VRK3: variants seen among roughly 807,000 people sequenced by gnomAD.
VRK3 encodes the protein VRK serine/threonine kinase 3, also known as serine/threonine-protein kinase VRK3.
Under a neutral mutation model 60.4 loss-of-function variants are expected in VRK3, and 50 were observed. The observed-to-expected ratio is 0.83, with a 90% CI of 0.66 to 1.05. The LOEUF (loss-of-function observed/expected upper bound fraction) is 1.05, where lower values mean the gene tolerates loss of function less well. VRK3 is among the 50% of genes least tolerant of loss of function. VRK3 has a pLI of 0.00. For missense variants in VRK3, 549 were observed against 585.3 expected (o/e 0.94, Z 0.64); for synonymous variants, 246 against 227.8 (o/e 1.08, Z -0.72).
At chr19:50,021,408 G>T (rs1380565318) in intron 1 of VRK3, among the ~76,000 whole-genome samples, 2 of 152,144 alleles carry the variant, frequency 1.3e-5, no homozygotes, top group African/African-American at 2.4e-5. Context: ...ACTTGCACCT[G>T]GCTGGCTCGC....
chr19:49,991,745 G>C (rs990905771), intron 10 of VRK3, among the ~76,000 whole-genome samples: 8 of 152,210 alleles, frequency 5.3e-5, no homozygotes, highest in African/African-American at 1.9e-4. Flanking sequence ...ACAACGAGCA[G>C]TGCAGAAGCA....
Position 49,983,834 on chromosome 19 carries a change from T to C in VRK3, c.1218-2821A>G, listed in dbSNP as rs190039623. On this transcript the variant is annotated intron_variant, in intron 12 of 14. Coordinates refer to ENST00000316763, the MANE Select transcript of VRK3 (RefSeq NM_016440.4). ...CATCGCCCCCTTGTGGTCCCCTTGG[T>C]TATTGTCTGGGCTAACAGACTATGG... Among the ~76,000 whole-genome samples the C allele has an allele frequency of 1.1e-3, 172 of 152,276 alleles. 2 individuals carry two copies. Among genetic ancestry groups the C allele is most frequent in the African/African-American group, 3.9e-3 (163 of 41,552 alleles).
chr19:50,011,095 T>C (rs1049697589), intron 3 of VRK3, among the ~76,000 whole-genome samples: 4 of 152,152 alleles, frequency 2.6e-5, no homozygotes, highest in Admixed American at 6.6e-5. Context: ...AAATTTCCAA[T>C]TGCAACTCCT....
At chr19:49,979,004 G>A (rs2076376820) in intron 14 of VRK3, 79 bp downstream of exon 14, 1 of 1,449,422 alleles carries the variant, frequency 6.9e-7, no homozygotes, top group Non-Finnish European at 9.3e-7. Flanking sequence ...CAGCCTCTGG[G>A]AAGTGTCTCC....
intron 3 of VRK3, among the ~76,000 whole-genome samples, chr19:50,010,086 A>G (rs1314612636): frequency 6.6e-6 from 1 of 151,716 alleles, no homozygotes; most frequent in African/African-American, 2.4e-5. Context: ...ATACACACAT[A>G]CAATGATTGT....
At chr19:49,979,047 G>T (rs755095645) in intron 14 of VRK3, 36 bp downstream of exon 14, 1 of 1,556,302 alleles carries the variant, frequency 6.4e-7, no homozygotes, top group Non-Finnish European at 8.7e-7. Context: ...GTGAGGGCAA[G>T]GGGTGAGAGG....
At chr19:49,995,128 G>C in intron 8 of VRK3, 63 bp downstream of exon 8, 1 of 1,553,566 alleles carries the variant, frequency 6.4e-7, no homozygotes, top group African/African-American at 1.4e-5. Context: ...AGCCATGCCT[G>C]GAGTCACAAC....
At chr19:50,007,918 A>G in intron 4 of VRK3, 92 bp from the exon 5 acceptor site, 1 of 1,543,344 alleles carries the variant, frequency 6.5e-7, no homozygotes, top group Non-Finnish European at 8.8e-7. Flanking sequence ...CTGTTCCTTT[A>G]CAAATTCGTT....
intron 5 of VRK3, chr19:50,001,232 C>T (rs920940527): frequency 2.6e-5 from 5 of 194,868 alleles, no homozygotes; most frequent in Admixed American, 5.5e-5. Context: ...ACCTGGGATG[C>T]GGATACATGT....
chr19:49,983,742 C>T (rs1415073633), intron 12 of VRK3, among the ~76,000 whole-genome samples: 1 of 152,214 alleles, frequency 6.6e-6, no homozygotes, highest in African/African-American at 2.4e-5. Context: ...TGGAAAAAGG[C>T]CATGTATACC....
chr19:49,996,932 C>T (rs1263090386), intron 7 of VRK3: 2 of 152,110 alleles, frequency 1.3e-5, no homozygotes, highest in African/African-American at 4.8e-5. Context: ...AATTTAATTG[C>T]TAGTACTGGC....
At position 49,976,708 on chromosome 19, in the gene VRK3, A is replaced by G. The variant is rs551352645; in HGVS notation, c.*88T>C. 1 of 152,588 alleles carries G rather than the reference A, an allele frequency of 6.6e-6. No homozygotes were observed. The highest frequency in any genetic ancestry group is 6.5e-5 in the Admixed American group (1 of 15,292). The allele number at this position is 152,588 out of a possible 1,614,324, so 9.5% of individuals were successfully genotyped here. On this transcript the variant is annotated 3_prime_UTR_variant, in exon 15 of 15. Coordinates refer to ENST00000316763, the MANE Select transcript of VRK3 (RefSeq NM_016440.4). The stretch of plus-strand genomic sequence containing the variant: ...ATTCCAGGGCTTGTTCTAGAAGCTT[A>G]TCTGTGATTAAACAGCAGGCCTTGA...
intron 3 of VRK3, among the ~76,000 whole-genome samples, chr19:50,014,384 C>G (rs1268035382): frequency 1.3e-5 from 2 of 151,860 alleles, no homozygotes; most frequent in Admixed American, 1.3e-4. Context: ...ATGGTGAAAC[C>G]CTGTCTCTAC....
chr19:49,989,925 G>T (rs1304295286), intron 10 of VRK3, among the ~76,000 whole-genome samples, 154 bp from the exon 11 acceptor site: 1 of 152,086 alleles, frequency 6.6e-6, no homozygotes, highest in African/African-American at 2.4e-5. Flanking sequence ...ATGATGTGAA[G>T]TAAAAAGAAC....
chr19:49,989,441 C>T (rs2076572316), intron 11 of VRK3, among the ~76,000 whole-genome samples, 198 bp downstream of exon 11: 1 of 152,182 alleles, frequency 6.6e-6, no homozygotes, highest in South Asian at 2.1e-4. Flanking sequence ...GCCCAGCCTC[C>T]CACTATGCTT....
chr19:50,023,882 A>G (rs1475084927), intron 1 of VRK3, among the ~76,000 whole-genome samples: 5 of 152,230 alleles, frequency 3.3e-5, no homozygotes, highest in Non-Finnish European at 7.3e-5. Context: ...AGATCAGTAC[A>G]GGGGTTAAGA....
intron 3 of VRK3, 154 bp downstream of exon 3, chr19:50,015,870 T>C (rs2077067644): frequency 3.2e-6 from 3 of 946,390 alleles, no homozygotes; most frequent in Admixed American, 4.6e-5. Context: ...GCCAAGAGAC[T>C]GATGGTAGAC....
In VRK3 at chr19:49,997,511, A is replaced by G. The variant is rs372808363; in HGVS notation, c.672T>C (p.Pro224=). 3.4e-5 allele frequency: 55 copies of G among 1,613,862 alleles called. No homozygotes were observed. Among genetic ancestry groups the G allele is most frequent in the Non-Finnish European group, 4.6e-5 (54 of 1,179,898 alleles). ...EQNFFQRAAK[P]LQVNKWKKLY... ...CAGTTCCCTGTCAGGTACCTTGCAG[A>G]GGCTTGGCGGCCCGCTGGAAGAAGT... The change falls in exon 7 of 15, where the codon CCT becomes CCC. Residue 224 remains proline (P), a synonymous_variant. Transcript: ENST00000316763.
chr19:50,009,388 A>G lies in VRK3; in HGVS notation c.140-3T>C, dbSNP rs1016376765. On this transcript the variant is annotated splice_region_variant and splice_polypyrimidine_tract_variant and intron_variant, in intron 3 of 14. Coordinates refer to ENST00000316763, the MANE Select transcript of VRK3 (RefSeq NM_016440.4). The stretch of plus-strand genomic sequence containing the variant: ...GGAGTTCAGCCCTCTCTTTGAGCCT[A>G]AAGAAAGGCAGACAAAATGCAGACT... 3 of 1,613,154 alleles carry G rather than the reference A, an allele frequency of 1.9e-6. No homozygotes were observed. Among genetic ancestry groups the G allele is most frequent in the South Asian group, 1.1e-5 (1 of 91,012 alleles).
Sources: gnomAD v4.1 joint callset for allele counts (sites outside exome capture counted in the v4.1 genomes callset) on GRCh38, gnomAD v4.1.1 for gene constraint, MANE v1.5 for transcripts, NCBI Gene and HGNC (gene_info 2026-07-23, HGNC 2026-07-21) for gene names.